Variants in MESP1 observed in about 807,000 individuals in gnomAD.
MESP1 encodes mesoderm posterior protein 1.
Under a neutral mutation model 15.2 loss-of-function variants are expected in MESP1, and 22 were observed. That is an observed-to-expected ratio of 1.45 (90% confidence interval 1.04 to 2.07). The LOEUF is 2.07. MESP1 is among the 30% of genes most tolerant of loss of function. The pLI is 0.00. For synonymous variants in MESP1, 216 were observed against 192.6 expected, an observed-to-expected ratio of 1.12 and a Z score of -1.01; for missense variants, 484 against 411.9, an observed-to-expected ratio of 1.17 and a Z score of -1.51.
At chr15:89,737,846 C>T in the MESP1 span, 1 of 1,448,330 alleles carries the variant, frequency 6.9e-7, no homozygotes. Context: ...TACCATAGGC[C>T]AAAGGGTACC....
chr15:89,750,899 C>A lies in MESP1; in HGVS notation c.333G>T (p.Pro111=). ...GGCTCTGGCCCGCGGGCGCCACGGA[C>A]GGCGGTAGAAAGCGGCGCAGCTCGT... ...ALHELRRFLP[P]SVAPAGQSLT... Residue 111 remains proline (P), a synonymous_variant, in exon 1 of 2, where the codon CCG becomes CCT. Coordinates refer to ENST00000300057, the MANE Select transcript of MESP1 (RefSeq NM_018670.4). The A allele has an allele frequency of 2.0e-6, 3 of 1,491,356 alleles. No homozygotes were observed. The highest frequency in any genetic ancestry group is 2.7e-6 in the Non-Finnish European group (3 of 1,126,200). The allele number at this position is 1,491,356 out of a possible 1,614,324, so 92.4% of individuals were successfully genotyped here. A position where few individuals can be genotyped will look rare whatever the true frequency, so the allele number is the denominator to read the frequency against.
Position 89,750,258 on chromosome 15 carries a change from CA to C in MESP1, c.724-32del, listed in dbSNP as rs147751538. ...GGGAGAGACGGAACAGCGCAGCCCT[CA>C]AGCACTGGTGGCCTTGTGCGGGTGT... On this transcript the variant is annotated intron_variant, in intron 1 of 1. Transcript: ENST00000300057. 8,076 of 1,612,276 alleles carry C rather than the reference CA, an allele frequency of 5.0e-3. 362 individuals carry two copies. In the African/African-American group the frequency reaches 0.096, roughly 19 times the overall value.
Position 89,750,201 on chromosome 15 carries a change from C to G in MESP1, c.750G>C (p.Leu250=). 6.2e-7 allele frequency: 1 copy of G among 1,614,086 alleles called. No individual in the cohort carries two copies. Among genetic ancestry groups the G allele is most frequent in the Non-Finnish European group, 8.5e-7 (1 of 1,180,020 alleles). ...SPLLPGDVLA[L]LETWMPLSPL... ...GCGAGAGGGGCATCCAGGTCTCCAA[C>G]AGAGCCAGCACGTCGCCCGGAAGGA... The change falls in exon 2 of 2, where the codon CTG becomes CTC. Residue 250 remains leucine (L), a synonymous_variant. Transcript: ENST00000300057.
At chr15:89,745,182 T>C (rs922462400), downstream of MESP1, among the ~76,000 whole-genome samples, 2 of 152,172 alleles carry the variant, frequency 1.3e-5, no homozygotes, top group African/African-American at 4.8e-5. This position sits in a 1 kb window ranked among gnomAD's most constrained non-coding sequence, Gnocchi z 4.8. Flanking sequence ...CCAAGACATG[T>C]GCTGCCCACA....
At chr15:89,743,638 A>G in the MESP1 span, 1 of 527,934 alleles carries the variant, frequency 1.9e-6, no homozygotes, top group South Asian at 2.2e-5. Flanking sequence ...TTGTCTCCAG[A>G]CTCCCAAGTT....
At chr15:89,745,491 C>A (rs1280566585), downstream of MESP1, among the ~76,000 whole-genome samples, 1 of 152,124 alleles carries the variant, frequency 6.6e-6, no homozygotes, top group South Asian at 2.1e-4. This position sits in a 1 kb window ranked among gnomAD's most constrained non-coding sequence, Gnocchi z 4.8. Flanking sequence ...TGGCCGGGCG[C>A]GGTGGCTCAA....
At chr15:89,746,560 TACAC>T (rs1967961226), downstream of MESP1, among the ~76,000 whole-genome samples, 1 of 45,700 alleles carries the variant, frequency 2.2e-5, no homozygotes, top group Admixed American at 2.3e-4. Context: ...CCTCCACACA[TACAC>T]ACAGCCCTGC....
At chr15:89,744,882 C>G (rs1395154938), downstream of MESP1, among the ~76,000 whole-genome samples, 1 of 152,206 alleles carries the variant, frequency 6.6e-6, no homozygotes, top group Non-Finnish European at 1.5e-5. Flanking sequence ...CGGTGGACCA[C>G]CCCTTCCCAA....
chr15:89,742,825 G>A, the MESP1 span, among the ~76,000 whole-genome samples: 11 of 152,260 alleles, frequency 7.2e-5, no homozygotes, highest in Admixed American at 3.3e-4. Context: ...GAGCCACCGC[G>A]CCTGGCCAAC....
chr15:89,742,204 T>C, the MESP1 span, among the ~76,000 whole-genome samples: 42 of 152,260 alleles, frequency 2.8e-4, no homozygotes, highest in African/African-American at 8.9e-4. Flanking sequence ...CTGAGCAACA[T>C]AGTGAGACCC....
At chr15:89,735,701 A>G in the MESP1 span, 1 of 771,984 alleles carries the variant, frequency 1.3e-6, no homozygotes, top group Non-Finnish European at 2.1e-6. Context: ...TAGAAAGAGA[A>G]AGAACCTGCC....
At chr15:89,736,364 G>A in the MESP1 span, among the ~76,000 whole-genome samples, 2 of 152,120 alleles carry the variant, frequency 1.3e-5, no homozygotes, top group Non-Finnish European at 2.9e-5. Context: ...GACCCCCAGG[G>A]GAGGCTCCAA....
At chr15:89,750,270 G>T in intron 1 of MESP1, 43 bp from the exon 2 acceptor site, 1 of 1,606,882 alleles carries the variant, frequency 6.2e-7, no homozygotes, top group Middle Eastern at 1.7e-4. Flanking sequence ...AGCACTGGTG[G>T]CCTTGTGCGG....
the MESP1 span, chr15:89,737,865 G>A: frequency 2.9e-6 from 4 of 1,376,064 alleles, no homozygotes; most frequent in Non-Finnish European, 4.0e-6. Context: ...CCGCAGCTCA[G>A]TCCTCACAGG....
Position 89,750,163 on chromosome 15 carries a change from A to G in MESP1, c.788T>C (p.Leu263Pro), listed in dbSNP as rs1285198488. Residue 263 changes from leucine (L) to proline (P), a missense_variant, in exon 2 of 2, where the codon CTG becomes CCG. Coordinates refer to ENST00000300057, the MANE Select transcript of MESP1 (RefSeq NM_018670.4). ...TWMPLSPLEW[L>P]PEEPK ...CCCTTGTCACTTGGGCTCCTCAGGC[A>G]GCCACTCCAGAGGCGAGAGGGGCAT... The G allele has an allele frequency of 3.1e-6, 5 of 1,614,000 alleles. No homozygotes were observed. Among genetic ancestry groups the G allele is most frequent in the Admixed American group, 1.7e-5 (1 of 60,032 alleles).
the MESP1 span, among the ~76,000 whole-genome samples, chr15:89,736,957 A>G: frequency 1.8e-4 from 28 of 152,082 alleles, no homozygotes; most frequent in East Asian, 4.7e-3. Context: ...ACGCCAGGCT[A>G]ATTTTTTGTA....
downstream of MESP1, among the ~76,000 whole-genome samples, chr15:89,745,905 AGAG>A (rs74922374): frequency 1.3e-5 from 1 of 79,946 alleles, no homozygotes; most frequent in Admixed American, 1.1e-4. The surrounding 1 kb of genome is among the most constrained non-coding windows in gnomAD (Gnocchi z 4.8). Context: ...ACACCTCCAA[AGAG>A]CATCCACACC....
the MESP1 span, among the ~76,000 whole-genome samples, chr15:89,734,280 T>C: frequency 6.6e-6 from 1 of 152,228 alleles, no homozygotes; most frequent in Non-Finnish European, 1.5e-5. Flanking sequence ...TCAGTCCGTT[T>C]CTTCTACTGG....
At chr15:89,737,317 G>A in the MESP1 span, among the ~76,000 whole-genome samples, 1 of 152,212 alleles carries the variant, frequency 6.6e-6, no homozygotes, top group Non-Finnish European at 1.5e-5. Context: ...ACTTGGAAGA[G>A]AGGCTGGGAA....
Sources: gnomAD v4.1 joint callset for allele counts (sites outside exome capture counted in the v4.1 genomes callset) on GRCh38, gnomAD v4.1.1 for gene constraint, Gnocchi (gnomAD v3.1) non-coding constraint, MANE v1.5 for transcripts, NCBI Gene and HGNC (gene_info 2026-07-23, HGNC 2026-07-21) for gene names.